NKAIN3: variants seen among roughly 807,000 people sequenced by gnomAD.
NKAIN3 encodes the protein sodium/potassium transporting ATPase interacting 3, also known as sodium/potassium-transporting ATPase subunit beta-1-interacting protein 3.
NKAIN3 carries 25 observed loss-of-function variants against 30.2 expected under a neutral mutation model. The observed-to-expected ratio is 0.83, with a 90% CI of 0.60 to 1.16. The LOEUF is 1.16. NKAIN3 is among the 50% of genes most tolerant of loss of function. The probability of loss-of-function intolerance (pLI) is 0.00; values close to 1 mark genes in which losing one functional copy is unlikely to be tolerated. For synonymous variants in NKAIN3, 91 were observed against 89.6 expected, an observed-to-expected ratio of 1.02 and a Z score of -0.09; for missense variants, 225 against 254.1, an observed-to-expected ratio of 0.89 and a Z score of 0.78.
chr8:62,924,956 A>G (rs1232708365), intron 5 of NKAIN3, among the ~76,000 whole-genome samples: 1 of 151,936 alleles, frequency 6.6e-6, no homozygotes, highest in African/African-American at 2.4e-5. Context: ...CAAAGACTTC[A>G]CCTACTAACA....
intron 1 of NKAIN3, among the ~76,000 whole-genome samples, chr8:62,336,070 CCTAAAACCATATTGTA>C (rs1164816135): frequency 1.3e-5 from 2 of 152,054 alleles, no homozygotes; most frequent in Non-Finnish European, 2.9e-5. Flanking sequence ...GCTTTATTTT[CCTAAAACCATATTGTA>C]CAAGTAGCAG....
intron 2 of NKAIN3, among the ~76,000 whole-genome samples, chr8:62,584,619 C>G (rs971978519): frequency 2.6e-5 from 4 of 152,158 alleles, no homozygotes; most frequent in African/African-American, 9.7e-5. Context: ...TTTGTGTTTT[C>G]GAAAGACCAC....
At chr8:62,609,837 G>A (rs199741458) in intron 3 of NKAIN3, among the ~76,000 whole-genome samples, 6 of 152,050 alleles carry the variant, frequency 3.9e-5, no homozygotes, top group East Asian at 1.9e-4. Flanking sequence ...TTGCTAGCAC[G>A]CCATGAGCCA....
intron 3 of NKAIN3, among the ~76,000 whole-genome samples, chr8:62,611,859 C>A (rs980279281): frequency 4.6e-5 from 7 of 152,006 alleles, no homozygotes; most frequent in South Asian, 4.1e-4. Context: ...TTTGAGGAAC[C>A]TTTAAATTGT....
chr8:62,913,891 G>T (rs1005390121), intron 4 of NKAIN3, among the ~76,000 whole-genome samples: 12 of 152,162 alleles, frequency 7.9e-5, no homozygotes, highest in Non-Finnish European at 1.0e-4. Context: ...ATACACTTTT[G>T]GTGGGAGAGT....
chr8:62,593,718 C>T (rs1235015630), intron 3 of NKAIN3, among the ~76,000 whole-genome samples: 1 of 151,834 alleles, frequency 6.6e-6, no homozygotes, highest in Non-Finnish European at 1.5e-5. Context: ...ACAGAAACAA[C>T]CGGTATGCAA....
At chr8:62,581,794 A>T (rs1391399592) in intron 2 of NKAIN3, among the ~76,000 whole-genome samples, 2 of 29,850 alleles carry the variant, frequency 6.7e-5, no homozygotes, top group Non-Finnish European at 6.0e-5. Context: ...CCTTTCTCCC[A>T]CCTATCCTCC....
In NKAIN3 at chr8:62,652,113, G is replaced by T. The variant is rs545115691; in HGVS notation, c.273+62319G>T. Among the ~76,000 whole-genome samples, 11 of 152,148 alleles carry T rather than the reference G, an allele frequency of 7.2e-5. No homozygotes were observed. In the East Asian group the frequency reaches 1.9e-3, roughly 27 times the overall value. ...TAGAAGGTCACTAAACCCATAGGGG[G>T]TCCATCTCCCTGACCTAATCAGCTC... On this transcript the variant is annotated intron_variant, in intron 3 of 6. Transcript: ENST00000623646.
intron 4 of NKAIN3, among the ~76,000 whole-genome samples, chr8:62,772,748 C>T (rs990629515): frequency 2.0e-5 from 3 of 151,654 alleles, no homozygotes; most frequent in African/African-American, 7.3e-5. Flanking sequence ...GCAACCTCCA[C>T]CTGCCAGGTT....
At chr8:62,829,609 A>G (rs1192995712) in intron 4 of NKAIN3, among the ~76,000 whole-genome samples, 1 of 152,198 alleles carries the variant, frequency 6.6e-6, no homozygotes, top group Non-Finnish European at 1.5e-5. Flanking sequence ...TGACATAAAC[A>G]GACATATCAT....
At chr8:62,445,946 T>C (rs1805474296) in intron 1 of NKAIN3, among the ~76,000 whole-genome samples, 1 of 152,162 alleles carries the variant, frequency 6.6e-6, no homozygotes, top group African/African-American at 2.4e-5. Flanking sequence ...TACAAAATAA[T>C]ACATTTAAAG....
chr8:62,384,854 C>A (rs570197482), intron 1 of NKAIN3, among the ~76,000 whole-genome samples: 1 of 152,250 alleles, frequency 6.6e-6, no homozygotes, highest in Admixed American at 6.5e-5. Flanking sequence ...AGTAGGATTA[C>A]TGTGGGACCT....
chr8:62,822,836 A>C (rs1818890844), intron 4 of NKAIN3, among the ~76,000 whole-genome samples: 1 of 152,200 alleles, frequency 6.6e-6, no homozygotes, highest in Non-Finnish European at 1.5e-5. Context: ...ACATCACAGA[A>C]TGTACCTCCA....
chr8:62,870,260 ATC>A (rs1355477640), intron 4 of NKAIN3, among the ~76,000 whole-genome samples: 20 of 123,572 alleles, frequency 1.6e-4, no homozygotes, highest in Admixed American at 1.4e-3. Context: ...CTATATATAT[ATC>A]TATATATAGA....
chr8:62,794,884 T>G (rs1008598082), intron 4 of NKAIN3, among the ~76,000 whole-genome samples: 1 of 152,172 alleles, frequency 6.6e-6, no homozygotes, highest in Non-Finnish European at 1.5e-5. Flanking sequence ...CTGCTGCTTC[T>G]TTTATTGCCT....
At chr8:62,659,089 T>C (rs1186394098) in intron 3 of NKAIN3, among the ~76,000 whole-genome samples, 1 of 152,220 alleles carries the variant, frequency 6.6e-6, no homozygotes, top group Non-Finnish European at 1.5e-5. Flanking sequence ...TGTATGGCTA[T>C]GGAATCACTT....
intron 1 of NKAIN3, among the ~76,000 whole-genome samples, chr8:62,388,752 C>A (rs767167748): frequency 1.3e-5 from 2 of 152,284 alleles, no homozygotes; most frequent in East Asian, 1.9e-4. Context: ...GGATTTCAGC[C>A]GGCTCTGGTT....
chr8:62,698,123 A>C (rs1446693640), intron 3 of NKAIN3, among the ~76,000 whole-genome samples: 2 of 152,190 alleles, frequency 1.3e-5, no homozygotes, highest in Non-Finnish European at 2.9e-5. Context: ...ACTGGGAAAT[A>C]GAAAAAAAAG....
At chr8:62,789,826 T>C (rs1411764300) in intron 4 of NKAIN3, among the ~76,000 whole-genome samples, 1 of 152,048 alleles carries the variant, frequency 6.6e-6, no homozygotes, top group Non-Finnish European at 1.5e-5. Context: ...ATTAATAGCA[T>C]ACCAATCAAA....
Sources: allele counts gnomAD v4.1 joint callset (sites outside exome capture counted in the v4.1 genomes callset), GRCh38; gene constraint gnomAD v4.1.1; transcripts MANE v1.5; gene names NCBI Gene and HGNC (gene_info 2026-07-23, HGNC 2026-07-21).